BRSK1: variants seen among roughly 807,000 people sequenced by gnomAD.
BRSK1 encodes BR serine/threonine kinase 1.
In BRSK1, 17 loss-of-function variants were observed where a neutral mutation model predicts 86.2. The observed-to-expected ratio is 0.20, with a 90% CI of 0.14 to 0.30. The LOEUF is 0.30. Among genes scored for constraint, BRSK1 ranks in the 10% least tolerant of loss-of-function variants. BRSK1 has a pLI of 1.00. For synonymous variants in BRSK1, 464 were observed against 440.1 expected, an observed-to-expected ratio of 1.05 and a Z score of -0.68; for missense variants, 719 against 1,071.9, an observed-to-expected ratio of 0.67 and a Z score of 4.60.
rs1482393001 is a variant in BRSK1 at position 55,304,529 on chromosome 19, C to T, written c.1348-22C>T. On this transcript the variant is annotated intron_variant, in intron 13 of 18. Coordinates refer to ENST00000309383, the MANE Select transcript of BRSK1 (RefSeq NM_032430.2). This position sits in a 1 kb window ranked among gnomAD's most constrained non-coding sequence, Gnocchi z 5.2. ...TGGGAGTTGTAGTCCACTCGCTTAT[C>T]TCAGTCTCCTGTCCTCTGCAGAGTC... is the stretch of plus-strand genomic sequence containing the variant. 1 of 1,538,726 alleles carries T rather than the reference C, an allele frequency of 6.5e-7. No individual in the cohort carries two copies. The highest frequency in any genetic ancestry group is 1.4e-5 in the African/African-American group (1 of 71,192).
chr19:55,298,418 C>T (rs2088522604), intron 7 of BRSK1, among the ~76,000 whole-genome samples: 1 of 151,962 alleles, frequency 6.6e-6, no homozygotes, highest in Non-Finnish European at 1.5e-5. Context: ...GTGATCTGCC[C>T]ACCTCAGCCT....
chr19:55,286,912 A>G, intron 1 of BRSK1, 95 bp from the exon 2 acceptor site: 1 of 1,111,948 alleles, frequency 9.0e-7, no homozygotes, highest in Non-Finnish European at 1.4e-6. Flanking sequence ...CCAGCCCAGG[A>G]GGAAGGAGCA....
rs1429981410 is a variant in BRSK1, at chr19:55,304,935, ACTG to A, written c.1717+17_1717+19del. On this transcript the variant is annotated intron_variant, in intron 14 of 18. Coordinates refer to ENST00000309383, the MANE Select transcript of BRSK1 (RefSeq NM_032430.2). The surrounding 1 kb of genome is among the most constrained non-coding windows in gnomAD (Gnocchi z 5.2). ...CAAGATGCAGGGTATGGGGGCATGA[ACTG>A]CCGAGTCCTAATGTGGGGAGAGGTT... The A allele has an allele frequency of 3.7e-6, 6 of 1,604,116 alleles. No individual in the cohort carries two copies. The African/African-American group carries it at 4.0e-5, about 11-fold the overall frequency.
At position 55,287,919 on chromosome 19, in the gene BRSK1, A is replaced by G; in HGVS notation, c.317+620A>G. ...GCTGGGCTGGGAAGCCGGAGAGGGG[A>G]CAGCCCTCGTGTTCCCCCCCGGCAC... On this transcript the variant is annotated intron_variant, in intron 3 of 18. Transcript: ENST00000309383. The surrounding 1 kb of genome is among the most constrained non-coding windows in gnomAD (Gnocchi z 5.3). The G allele has an allele frequency of 6.4e-6, 1 of 156,726 alleles. No individual in the cohort carries two copies. Among genetic ancestry groups the G allele is most frequent in the Admixed American group, 6.0e-5 (1 of 16,678 alleles). The allele number at this position is 156,726 out of a possible 1,614,324, so 9.7% of individuals were successfully genotyped here.
chr19:55,293,931 G>C (rs2088446381), intron 4 of BRSK1, 86 bp from the exon 5 acceptor site: 2 of 1,167,206 alleles, frequency 1.7e-6, no homozygotes, highest in Non-Finnish European at 2.4e-6. Flanking sequence ...AAAGTATGCA[G>C]AAGTGTTCCA....
rs750839308 is a variant in BRSK1 at position 55,289,639 on chromosome 19, G to C, written c.458+19G>C. 2 of 1,612,214 alleles carry C rather than the reference G, an allele frequency of 1.2e-6. No homozygotes were observed. The highest frequency in any genetic ancestry group is 2.7e-5 in the African/African-American group (2 of 74,894). ...CCATCTGGTGAGTGGGCAGCTTGAG[G>C]GGGAGGAGGGGCTGAGGGCTGCCCA... On this transcript the variant is annotated intron_variant, in intron 4 of 18. Coordinates refer to ENST00000309383, the MANE Select transcript of BRSK1 (RefSeq NM_032430.2).
At position 55,302,106 on chromosome 19, in the gene BRSK1, TCTG is replaced by T. The variant is rs1449959306; in HGVS notation, c.826-28_826-26del. Reference sequence around the variant, plus strand: ...GCCTACATGTGCCTACGACCTCACTTCTGCTTCTCTACGACTCACCACCCTCAC... The same window carrying T: ...GCCTACATGTGCCTACGACCTCACTTCTTCTCTACGACTCACCACCCTCAC... On this transcript the variant is annotated intron_variant, in intron 8 of 18. Transcript: ENST00000309383. This position sits in a 1 kb window ranked among gnomAD's most constrained non-coding sequence, Gnocchi z 6.3. 6.2e-7 allele frequency: 1 copy of T among 1,614,128 alleles called. No homozygotes were observed. Among genetic ancestry groups the T allele is most frequent in the Non-Finnish European group, 8.5e-7 (1 of 1,179,954 alleles).
chr19:55,287,089 G>C lies in BRSK1; in HGVS notation c.219G>C (p.Ser73=), dbSNP rs760341371. The change falls in exon 2 of 19, where the codon TCG becomes TCC. Residue 73 remains serine, a synonymous_variant. Transcript: ENST00000309383. This position sits in a 1 kb window ranked among gnomAD's most constrained non-coding sequence, Gnocchi z 5.3. ...TGAACCGGGAGAAGCTGTCGGAGTC[G>C]GTGCTGATGAAGGTGTGTGCGCCTG... ...KIVNREKLSE[S]VLMKVEREIA... The C allele has an allele frequency of 1.2e-6, 2 of 1,613,436 alleles. No homozygotes were observed. Among genetic ancestry groups the C allele is most frequent in the Non-Finnish European group, 1.7e-6 (2 of 1,179,804 alleles).
intron 7 of BRSK1, among the ~76,000 whole-genome samples, chr19:55,295,614 G>T (rs1435693949): frequency 6.6e-6 from 1 of 152,196 alleles, no homozygotes. Flanking sequence ...GGAGCACCTG[G>T]AGGGCTTGAT....
intron 18 of BRSK1, among the ~76,000 whole-genome samples, 169 bp downstream of exon 18, chr19:55,308,897 G>C (rs2088719041): frequency 6.6e-6 from 1 of 152,030 alleles, no homozygotes; most frequent in Non-Finnish European, 1.5e-5. Flanking sequence ...GTTTGCAGAG[G>C]ACGCCCAGCT....
At chr19:55,293,910 TA>T in intron 4 of BRSK1, 106 bp from the exon 5 acceptor site, 1 of 993,192 alleles carries the variant, frequency 1.0e-6, no homozygotes, top group Non-Finnish European at 1.5e-6. Flanking sequence ...TCTCATCCCC[TA>T]AAAATCCAAA....
chr19:55,301,661 G>A lies in BRSK1; in HGVS notation c.825+3G>A. 1.2e-6 allele frequency: 2 copies of A among 1,611,954 alleles called. No individual in the cohort carries two copies. Among genetic ancestry groups the A allele is most frequent in the Non-Finnish European group, 1.7e-6 (2 of 1,179,208 alleles). On this transcript the variant is annotated splice_donor_region_variant and intron_variant, in intron 8 of 18. Transcript: ENST00000309383. Reference sequence around the variant, plus strand: ...TGGAGCCCGAAAAAAGGCTCAGTGTGAGTTGAGGGGGGGACCGGCGGAGGG... The same window carrying A: ...TGGAGCCCGAAAAAAGGCTCAGTGTAAGTTGAGGGGGGGACCGGCGGAGGG...
Position 55,302,986 on chromosome 19 carries a change from C to T in BRSK1, c.1028+119C>T. The T allele has an allele frequency of 2.2e-6, 3 of 1,352,404 alleles. No individual in the cohort carries two copies. Among genetic ancestry groups the T allele is most frequent in the African/African-American group, 1.5e-5 (1 of 67,802 alleles). The allele number at this position is 1,352,404 out of a possible 1,614,324, so 83.8% of individuals were successfully genotyped here. A position where few individuals can be genotyped will look rare whatever the true frequency, so the allele number is the denominator to read the frequency against. ...GCCTCTCATGGGGCATGGTTTGAAG[C>T]TCCCGCCTGGGAGTGATGGAACCAG... On this transcript the variant is annotated intron_variant, in intron 10 of 18. Coordinates refer to ENST00000309383, the MANE Select transcript of BRSK1 (RefSeq NM_032430.2). The surrounding 1 kb of genome is among the most constrained non-coding windows in gnomAD (Gnocchi z 6.3).
chr19:55,306,485 G>T lies in BRSK1; in HGVS notation c.2089+35G>T. 1.2e-6 allele frequency: 2 copies of T among 1,605,930 alleles called. No homozygotes were observed. Among genetic ancestry groups the T allele is most frequent in the Non-Finnish European group, 1.7e-6 (2 of 1,178,362 alleles). On this transcript the variant is annotated intron_variant, in intron 17 of 18. Coordinates refer to ENST00000309383, the MANE Select transcript of BRSK1 (RefSeq NM_032430.2). This position sits in a 1 kb window ranked among gnomAD's most constrained non-coding sequence, Gnocchi z 4.7. ...TTGGCTAGGCTGCCTGCAGCCCAGT[G>T]CTGGGACTGTTCACGACAGCTGAGA...
intron 18 of BRSK1, among the ~76,000 whole-genome samples, chr19:55,311,031 G>C (rs1276621303): frequency 2.6e-5 from 4 of 152,142 alleles, no homozygotes; most frequent in Non-Finnish European, 5.9e-5. Context: ...CGCGATCTCA[G>C]CTCACTGCAA....
intron 4 of BRSK1, among the ~76,000 whole-genome samples, chr19:55,290,771 A>G (rs891247714): frequency 9.2e-5 from 14 of 151,748 alleles, no homozygotes; most frequent in African/African-American, 3.4e-4. Context: ...CCTCCCAAGT[A>G]GCTGGGACTA....
chr19:55,311,787 AT>A, intron 18 of BRSK1, 123 bp from the exon 19 acceptor site: 1 of 994,838 alleles, frequency 1.0e-6, no homozygotes, highest in African/African-American at 1.7e-5. Flanking sequence ...CTTATCAGGG[AT>A]TGGAGCTAGA....
Position 55,294,543 on chromosome 19 carries a change from C to G in BRSK1, c.678+146C>G. 1 of 1,083,276 alleles carries G rather than the reference C, an allele frequency of 9.2e-7. No individual in the cohort carries two copies. 67.1% of individuals were successfully genotyped at this position (1,083,276 alleles called of 1,614,324 possible). ...TTGAGACAGAGTCTTGCCCCGTCGC[C>G]TAGGCTGGAGTGCAGTGGTGTGATC... On this transcript the variant is annotated intron_variant, in intron 7 of 18. Transcript: ENST00000309383. This position sits in a 1 kb window ranked among gnomAD's most constrained non-coding sequence, Gnocchi z 4.9.
In BRSK1 at chr19:55,306,194, G is replaced by T; in HGVS notation, c.1891-58G>T. 4 of 1,574,982 alleles carry T rather than the reference G, an allele frequency of 2.5e-6. No homozygotes were observed. Among genetic ancestry groups the T allele is most frequent in the South Asian group, 1.1e-5 (1 of 89,170 alleles). On this transcript the variant is annotated intron_variant, in intron 16 of 18. Transcript: ENST00000309383. This position sits in a 1 kb window ranked among gnomAD's most constrained non-coding sequence, Gnocchi z 4.7. ...CGTAGTTCCTTGGCCAGAGCTGGTC[G>T]TGGGGCTGGGTATCCATTTCCTGGG...
Sources: gnomAD v4.1 joint callset for allele counts (sites outside exome capture counted in the v4.1 genomes callset) on GRCh38, gnomAD v4.1.1 for gene constraint, Gnocchi (gnomAD v3.1) non-coding constraint, MANE v1.5 for transcripts, NCBI Gene and HGNC (gene_info 2026-07-23, HGNC 2026-07-21) for gene names.